The following REEP5 variants were observed in gnomAD, a reference collection of about 807,000 sequenced individuals.
The protein encoded by REEP5 is receptor accessory protein 5.
Under a neutral mutation model 22.4 loss-of-function variants are expected in REEP5, and 24 were observed. The ratio of observed to expected loss-of-function variants is 1.07; its 90% confidence interval spans 0.78 to 1.51. REEP5 has a LOEUF of 1.51. Among genes scored for constraint, REEP5 ranks in the 40% most tolerant of loss-of-function variants. REEP5 has a pLI of 0.00. For synonymous variants in REEP5, 103 were observed against 88.6 expected (o/e 1.16, Z -0.92); for missense variants, 252 against 233.0 (o/e 1.08, Z -0.53).
At chr5:112,902,576 C>A in intron 2 of REEP5, 58 bp from the exon 3 acceptor site, 1 of 1,471,658 alleles carries the variant, frequency 6.8e-7, no homozygotes, top group South Asian at 1.4e-5. Context: ...GAAAGATTTT[C>A]AAATACACTT....
At chr5:112,901,457 C>G (rs773635649) in intron 3 of REEP5, among the ~76,000 whole-genome samples, 3 of 151,946 alleles carry the variant, frequency 2.0e-5, no homozygotes, top group African/African-American at 4.8e-5. Context: ...GCCTGTAATC[C>G]CAGCACTTTG....
intron 2 of REEP5, among the ~76,000 whole-genome samples, chr5:112,911,228 T>G (rs1394966430): frequency 1.3e-5 from 2 of 152,206 alleles, no homozygotes; most frequent in Non-Finnish European, 2.9e-5. Context: ...GAAAAGAGCA[T>G]GGATTTCTGC....
intron 2 of REEP5, among the ~76,000 whole-genome samples, chr5:112,906,038 T>C (rs2150045395): frequency 6.6e-6 from 1 of 152,288 alleles, no homozygotes; most frequent in South Asian, 2.1e-4. Flanking sequence ...ACTTGGTGTA[T>C]CAGAATAAAG....
At chr5:112,889,048 G>A (rs1244152237) in intron 3 of REEP5, among the ~76,000 whole-genome samples, 2 of 150,834 alleles carry the variant, frequency 1.3e-5, no homozygotes, top group African/African-American at 4.9e-5. Flanking sequence ...CCGCCACCAT[G>A]TAAGACATCC....
chr5:112,894,600 G>A (rs1170232972), intron 3 of REEP5: 2 of 152,102 alleles, frequency 1.3e-5, no homozygotes, highest in Non-Finnish European at 2.9e-5. Flanking sequence ...AGCATCACAG[G>A]GGATGTGCTA....
chr5:112,892,141 A>G, intron 3 of REEP5: 1 of 1,614,216 alleles, frequency 6.2e-7, no homozygotes, highest in Non-Finnish European at 8.5e-7. Context: ...CGTGGATTTC[A>G]GAGTAATGGA....
At chr5:112,893,812 C>T (rs961415640) in intron 3 of REEP5, 13 of 152,232 alleles carry the variant, frequency 8.5e-5, no homozygotes, top group African/African-American at 2.9e-4. Flanking sequence ...CTTGAGGTAC[C>T]CTCAGTATGT....
At position 112,877,394 on chromosome 5, in the gene REEP5, C is replaced by G. The variant is rs114190971; in HGVS notation, c.*1392G>C. The G allele has an allele frequency of 3.5e-4, 53 of 152,252 alleles. No individual in the cohort carries two copies. Among genetic ancestry groups the G allele is most frequent in the African/African-American group, 1.3e-3 (53 of 41,562 alleles). The allele number at this position is 152,252 out of a possible 1,614,324, so 9.4% of individuals were successfully genotyped here. A position where few individuals can be genotyped will look rare whatever the true frequency, so the allele number is the denominator to read the frequency against. ...TAGTCGAGTTTAATTCAAAAGGACT[C>G]TTAACAGTATGGTGTAAAACTCAGA... is the stretch of plus-strand genomic sequence containing the variant. On this transcript the variant is annotated 3_prime_UTR_variant, in exon 5 of 5. Transcript: ENST00000379638.
intron 4 of REEP5, among the ~76,000 whole-genome samples, chr5:112,884,785 C>G (rs955255185): frequency 6.6e-6 from 1 of 151,710 alleles, no homozygotes; most frequent in South Asian, 2.1e-4. Context: ...CTTGGCCCCC[C>G]CCCATCTTTC....
At chr5:112,919,950 G>A (rs930281352) in intron 2 of REEP5, among the ~76,000 whole-genome samples, 9 of 152,046 alleles carry the variant, frequency 5.9e-5, no homozygotes, top group Non-Finnish European at 1.2e-4. Flanking sequence ...AATCATATTG[G>A]TTATGCAATG....
chr5:112,880,332 G>A (rs184202764), intron 4 of REEP5, among the ~76,000 whole-genome samples: 4 of 152,300 alleles, frequency 2.6e-5, no homozygotes, highest in Admixed American at 2.0e-4. Context: ...CAGGGAATGT[G>A]CTATGAGAAC....
intron 2 of REEP5, among the ~76,000 whole-genome samples, chr5:112,904,767 A>G (rs1028541388): frequency 1.3e-5 from 2 of 152,226 alleles, no homozygotes; most frequent in African/African-American, 4.8e-5. Context: ...TATTTTTTAA[A>G]TGTTAGTCAA....
At chr5:112,919,056 T>C (rs1012351780) in intron 2 of REEP5, among the ~76,000 whole-genome samples, 2 of 152,206 alleles carry the variant, frequency 1.3e-5, no homozygotes, top group African/African-American at 4.8e-5. Flanking sequence ...TGGCATTTGA[T>C]TTTTGCTAAA....
At chr5:112,889,010 C>T (rs548599564) in intron 3 of REEP5, among the ~76,000 whole-genome samples, 5 of 150,982 alleles carry the variant, frequency 3.3e-5, no homozygotes, top group South Asian at 2.1e-4. Context: ...TTTCCCCTTT[C>T]GCTTGGGCTC....
intron 4 of REEP5, among the ~76,000 whole-genome samples, chr5:112,879,913 A>AC (rs990754470): frequency 6.0e-5 from 9 of 151,024 alleles, no homozygotes; most frequent in South Asian, 2.1e-4. Context: ...TGAGACCCCC[A>AC]CCCCCCACCT....
chr5:112,888,560 A>G (rs570990624), intron 3 of REEP5, among the ~76,000 whole-genome samples: 22 of 142,056 alleles, frequency 1.5e-4, no homozygotes, highest in Non-Finnish European at 3.0e-4. Context: ...GCTGGGAATG[A>G]CTGCAGGCAT....
At chr5:112,897,240 TTTTA>T (rs1768712917) in intron 3 of REEP5, 2 of 152,222 alleles carry the variant, frequency 1.3e-5, no homozygotes, top group East Asian at 1.9e-4. Context: ...AGAGTTCTGT[TTTTA>T]TTTATATACA....
chr5:112,893,094 T>TAAAAAAAAGAAAAAAAA (rs1768546283), intron 3 of REEP5: 1 of 457,294 alleles, frequency 2.2e-6, no homozygotes, highest in Non-Finnish European at 3.4e-6. Context: ...GTTTTGTTCT[T>TAAAAAAAAGAAAAAAAA]AAAAAAAAAA....
chr5:112,907,860 GTGT>G (rs1366604847), intron 2 of REEP5, among the ~76,000 whole-genome samples: 1 of 152,158 alleles, frequency 6.6e-6, no homozygotes, highest in Non-Finnish European at 1.5e-5. Flanking sequence ...ACAGTGTTGA[GTGT>G]AAAAAGTGAA....
Sources: gnomAD v4.1 joint callset for allele counts (sites outside exome capture counted in the v4.1 genomes callset) on GRCh38, gnomAD v4.1.1 for gene constraint, MANE v1.5 for transcripts, NCBI Gene and HGNC (gene_info 2026-07-23, HGNC 2026-07-21) for gene names.